The following CUL5 variants were observed in gnomAD, a reference collection of about 807,000 sequenced individuals.
The protein encoded by CUL5 is cullin 5.
A neutral mutation model predicts 108.8 loss-of-function variants in CUL5; 26 were observed. The ratio of observed to expected loss-of-function variants is 0.24; its 90% CI spans 0.18 to 0.33. The LOEUF (loss-of-function observed/expected upper bound fraction) is 0.33. CUL5 is among the 10% of genes least tolerant of loss of function. The pLI is 1.00. For missense variants in CUL5, 524 were observed against 909.2 expected (o/e 0.58, Z 5.45); for synonymous variants, 334 against 298.0 (o/e 1.12, Z -1.25).
At chr11:108,027,067 A>T (rs1419205003) in intron 1 of CUL5, among the ~76,000 whole-genome samples, 2 of 150,544 alleles carry the variant, frequency 1.3e-5, no homozygotes, top group African/African-American at 4.9e-5. Flanking sequence ...TTACTCTCTT[A>T]TACAGGAAAA....
chr11:108,065,271 C>T (rs1311387520), intron 7 of CUL5, among the ~76,000 whole-genome samples: 1 of 152,132 alleles, frequency 6.6e-6, no homozygotes, highest in East Asian at 1.9e-4. Flanking sequence ...GATCTGCCCA[C>T]CTCTGCCTGG....
intron 1 of CUL5, among the ~76,000 whole-genome samples, chr11:108,014,724 T>C (rs1257313769): frequency 6.6e-6 from 1 of 152,184 alleles, no homozygotes; most frequent in Non-Finnish European, 1.5e-5. Context: ...TCTAACTAGA[T>C]AATGATGAAC....
intron 1 of CUL5, among the ~76,000 whole-genome samples, chr11:108,018,471 A>G (rs374863024): frequency 6.6e-6 from 1 of 151,972 alleles, no homozygotes; most frequent in Non-Finnish European, 1.5e-5. Flanking sequence ...GTTCAAGACC[A>G]TCCTGGCCAA....
At chr11:108,031,301 G>T (rs185490577) in intron 1 of CUL5, among the ~76,000 whole-genome samples, 2 of 151,710 alleles carry the variant, frequency 1.3e-5, no homozygotes, top group Non-Finnish European at 2.9e-5. Context: ...GGAGGTAGAG[G>T]CTATAGTGAG....
rs898830230 is a variant in CUL5, at chr11:108,089,486, A to C, written c.1312-6A>C. ...AGAACTGAAAGTAACTTTATTTTTC[A>C]TACAGCTCTTGGTACTTAAGTATGT... On this transcript the variant is annotated splice_region_variant and splice_polypyrimidine_tract_variant and intron_variant, in intron 12 of 18. Coordinates refer to ENST00000393094, the MANE Select transcript of CUL5 (RefSeq NM_003478.6). 7 of 1,538,230 alleles carry C rather than the reference A, an allele frequency of 4.6e-6. No homozygotes were observed. Among genetic ancestry groups the C allele is most frequent in the African/African-American group, 2.8e-5 (2 of 70,552 alleles).
intron 7 of CUL5, among the ~76,000 whole-genome samples, chr11:108,058,208 CA>C (rs371453494): frequency 0.51 from 36,704 of 71,728 alleles, 7,025 homozygotes; most frequent in Middle Eastern, 0.63. Context: ...GACTCTGTCT[CA>C]AAAAAAAAAA....
intron 3 of CUL5, among the ~76,000 whole-genome samples, chr11:108,048,854 A>G (rs1863137501): frequency 6.6e-6 from 1 of 151,702 alleles, no homozygotes; most frequent in South Asian, 2.1e-4. Flanking sequence ...TTTAGTAGAG[A>G]TGGGGTTTCA....
chr11:108,033,158 G>C (rs527294330), intron 1 of CUL5, among the ~76,000 whole-genome samples: 1 of 152,174 alleles, frequency 6.6e-6, no homozygotes, highest in Non-Finnish European at 1.5e-5. Context: ...TTCCAAATGC[G>C]AGCTTATCTT....
chr11:108,089,366 T>G, intron 12 of CUL5, 126 bp from the exon 13 acceptor site: 1 of 561,404 alleles, frequency 1.8e-6, no homozygotes, highest in Non-Finnish European at 3.0e-6. Flanking sequence ...GATAATTCAG[T>G]AGGCCTCTAT....
chr11:108,081,019 G>T (rs1864068157), intron 11 of CUL5, among the ~76,000 whole-genome samples: 1 of 151,822 alleles, frequency 6.6e-6, no homozygotes, highest in Non-Finnish European at 1.5e-5. Flanking sequence ...GGGCACAGTG[G>T]CTCACGCCTG....
chr11:108,099,780 T>C (rs1384546203), intron 18 of CUL5, among the ~76,000 whole-genome samples: 1 of 152,214 alleles, frequency 6.6e-6, no homozygotes, highest in Non-Finnish European at 1.5e-5. Context: ...ATCACTTAGT[T>C]CTGCCAGTTC....
At chr11:108,058,473 C>T (rs995888652) in intron 7 of CUL5, among the ~76,000 whole-genome samples, 28 of 151,554 alleles carry the variant, frequency 1.8e-4, no homozygotes, top group African/African-American at 6.8e-4. Context: ...TGGTCTTGAT[C>T]TCCTGACTTC....
Position 108,106,954 on chromosome 11 carries a change from G to A in CUL5, c.*2570G>A, listed in dbSNP as rs1864818609. ...GTTTAAAGACAGAGACATCCCATCT[G>A]GAAAATGTTAACTTGTGTTGCCATC... On this transcript the variant is annotated 3_prime_UTR_variant, in exon 19 of 19. Coordinates refer to ENST00000393094, the MANE Select transcript of CUL5 (RefSeq NM_003478.6). 1 of 150,160 alleles carries A rather than the reference G, an allele frequency of 6.7e-6. No homozygotes were observed. The highest frequency in any genetic ancestry group is 6.7e-5 in the Admixed American group (1 of 14,878). 9.3% of individuals were successfully genotyped at this position (150,160 alleles called of 1,614,324 possible). A position where few individuals can be genotyped will look rare whatever the true frequency, so the allele number is the denominator to read the frequency against.
At chr11:108,102,652 G>A (rs1165319713) in intron 18 of CUL5, among the ~76,000 whole-genome samples, 5 of 152,130 alleles carry the variant, frequency 3.3e-5, no homozygotes, top group Non-Finnish European at 7.3e-5. Context: ...CTATATAGGG[G>A]AAGTTGAAGG....
rs1476152821 is a variant in CUL5, at chr11:108,074,447, G to A, written c.1113+950G>A. On this transcript the variant is annotated intron_variant, in intron 10 of 18. Coordinates refer to ENST00000393094, the MANE Select transcript of CUL5 (RefSeq NM_003478.6). ...TGACCTCAGGTGATGGGCCCGCCTC[G>A]GCCTCCCAAAGTGCTGGGATTACAG... 2.0e-5 allele frequency among the ~76,000 whole-genome samples: 3 copies of A among 151,482 alleles called. No homozygotes were observed. In the East Asian group the frequency reaches 5.9e-4, roughly 30 times the overall value.
At chr11:108,021,646 C>G (rs970366650) in intron 1 of CUL5, among the ~76,000 whole-genome samples, 1 of 151,766 alleles carries the variant, frequency 6.6e-6, no homozygotes, top group African/African-American at 2.4e-5. Flanking sequence ...CACCACCACA[C>G]CCAGTTAATA....
chr11:108,096,510 A>G (rs1382178900), intron 16 of CUL5, among the ~76,000 whole-genome samples: 2 of 150,766 alleles, frequency 1.3e-5, no homozygotes, highest in East Asian at 3.9e-4. Context: ...TAAAAAAGAG[A>G]AAGATTGAGT....
chr11:108,077,386 C>A (rs1404532769), intron 10 of CUL5, among the ~76,000 whole-genome samples: 2 of 151,982 alleles, frequency 1.3e-5, no homozygotes, highest in African/African-American at 4.8e-5. Context: ...GTGGCTTACG[C>A]CTGTAATCCA....
In CUL5 at chr11:108,094,917, TAGA is replaced by T; in HGVS notation, c.1678_1680del (p.Glu560del). The stretch of plus-strand genomic sequence containing the variant: ...GAACTGGAGGACTTGATACCGGAAG[TAGA>T]AGAATTCTACAAAAAAAATCATAGT... On this transcript the variant is annotated inframe_deletion, in exon 15 of 19. Transcript: ENST00000393094. 1 of 1,613,554 alleles carries T rather than the reference TAGA, an allele frequency of 6.2e-7. No individual in the cohort carries two copies. Among genetic ancestry groups the T allele is most frequent in the Non-Finnish European group, 8.5e-7 (1 of 1,179,656 alleles).
Sources: gnomAD v4.1 joint callset for allele counts (sites outside exome capture counted in the v4.1 genomes callset) on GRCh38, gnomAD v4.1.1 for gene constraint, MANE v1.5 for transcripts, NCBI Gene and HGNC (gene_info 2026-07-23, HGNC 2026-07-21) for gene names.